The following DLGAP2 variants were observed in gnomAD, a reference collection of about 807,000 sequenced individuals.
The protein encoded by DLGAP2 is disks large-associated protein 2.
DLGAP2 carries 26 observed loss-of-function variants against 100.3 expected under a neutral mutation model. That is an observed-to-expected ratio of 0.26 (90% confidence interval 0.19 to 0.36). DLGAP2 has a LOEUF of 0.36. Among genes scored for constraint, DLGAP2 ranks in the 10% least tolerant of loss-of-function variants. The pLI, the probability that DLGAP2 is intolerant of heterozygous loss-of-function variation, is 1.00. For synonymous variants in DLGAP2, 886 were observed against 630.1 expected, an observed-to-expected ratio of 1.41 and a Z score of -6.08; for missense variants, 1,858 against 1,453.2, an observed-to-expected ratio of 1.28 and a Z score of -4.53.
chr8:1,212,175 C>G (rs1236292932), intron 2 of DLGAP2, among the ~76,000 whole-genome samples: 1 of 152,212 alleles, frequency 6.6e-6, no homozygotes, highest in Non-Finnish European at 1.5e-5. Flanking sequence ...TCCCCACATT[C>G]CCAAGAGCCT....
chr8:1,652,349 G>T (rs2130811507), intron 8 of DLGAP2, among the ~76,000 whole-genome samples: 1 of 152,342 alleles, frequency 6.6e-6, no homozygotes, highest in East Asian at 1.9e-4. Flanking sequence ...AAGTTCCACA[G>T]GGGCCGGGTT....
intron 6 of DLGAP2, among the ~76,000 whole-genome samples, chr8:1,600,322 A>G (rs1796586425): frequency 6.6e-6 from 1 of 151,508 alleles, no homozygotes; most frequent in Non-Finnish European, 1.5e-5. Context: ...CTTCATTTCA[A>G]CCTTGGTGAA....
At chr8:888,915 T>C (rs576554119) in intron 1 of DLGAP2, among the ~76,000 whole-genome samples, 7 of 152,168 alleles carry the variant, frequency 4.6e-5, no homozygotes, top group Admixed American at 1.3e-4. Context: ...AAACAGGTTT[T>C]GTGTGAGCAA....
intron 1 of DLGAP2, among the ~76,000 whole-genome samples, chr8:771,656 C>T (rs1179284116): frequency 1.3e-5 from 2 of 152,218 alleles, no homozygotes; most frequent in South Asian, 2.1e-4. Context: ...TACCTTGCTA[C>T]CCAGAGACGC....
intron 1 of DLGAP2, among the ~76,000 whole-genome samples, chr8:788,279 A>T (rs191588895): frequency 6.6e-6 from 1 of 152,346 alleles, no homozygotes; most frequent in East Asian, 1.9e-4. Flanking sequence ...ATCGATATCC[A>T]TACCCATGTG....
intron 6 of DLGAP2, among the ~76,000 whole-genome samples, chr8:1,591,019 G>A (rs1796273711): frequency 6.6e-6 from 1 of 152,236 alleles, no homozygotes; most frequent in South Asian, 2.1e-4. Context: ...ACATGAGGAT[G>A]TAGATATGAA....
chr8:1,549,369 G>T lies in DLGAP2; in HGVS notation c.916G>T (p.Asp306Tyr), dbSNP rs559500057. 1 of 1,613,326 alleles carries T rather than the reference G, an allele frequency of 6.2e-7. No individual in the cohort carries two copies. The highest frequency in any genetic ancestry group is 8.5e-7 in the Non-Finnish European group (1 of 1,179,804). Residue 306 changes from aspartate to tyrosine, a missense_variant, in exon 5 of 15, where the codon GAC becomes TAC. Asp to Tyr is a radical substitution (Grantham distance 160). Transcript: ENST00000637795. ...WWSSDDNLDSDSTYRTPSVLN... is the reference protein window; with the variant it reads ...WWSSDDNLDSYSTYRTPSVLN... ...GAGCTCGGACGACAACCTGGACAGC[G>T]ACAGCACCTATCGGACGCCCAGCGT...
chr8:1,464,635 C>T (rs1378985911), intron 3 of DLGAP2, among the ~76,000 whole-genome samples: 1 of 151,616 alleles, frequency 6.6e-6, no homozygotes, highest in African/African-American at 2.4e-5. Context: ...TCTCCAATGA[C>T]TGAAGGCAGA....
chr8:1,505,394 C>A (rs1799871152), intron 4 of DLGAP2, among the ~76,000 whole-genome samples: 1 of 151,970 alleles, frequency 6.6e-6, no homozygotes, highest in Non-Finnish European at 1.5e-5. Context: ...TCTTTTTTTT[C>A]CAACTCCCCT....
At chr8:1,348,681 C>T (rs1226116294) in intron 3 of DLGAP2, among the ~76,000 whole-genome samples, 5 of 152,198 alleles carry the variant, frequency 3.3e-5, no homozygotes, top group African/African-American at 4.8e-5. Context: ...AGGTTGAGTG[C>T]CCAGCAGAGC....
chr8:1,300,019 G>C (rs927352425), intron 3 of DLGAP2: 1 of 152,114 alleles, frequency 6.6e-6, no homozygotes, highest in Non-Finnish European at 1.5e-5. Flanking sequence ...GAGACAGGCT[G>C]GTGTCTCTTC....
At chr8:1,516,250 AGT>A (rs1800373733) in intron 4 of DLGAP2, among the ~76,000 whole-genome samples, 2 of 152,084 alleles carry the variant, frequency 1.3e-5, no homozygotes, top group South Asian at 4.1e-4. Context: ...TGAGTAAATG[AGT>A]GAGTGAAAGA....
chr8:1,152,535 T>C (rs1796714369), intron 2 of DLGAP2, among the ~76,000 whole-genome samples: 1 of 152,216 alleles, frequency 6.6e-6, no homozygotes, highest in African/African-American at 2.4e-5. Context: ...AGGCCCTTTT[T>C]TGTATGACTT....
rs535960222 is a variant in DLGAP2, at chr8:1,153,608, A to G, written c.74-105243A>G. Among the ~76,000 whole-genome samples, 66 of 152,302 alleles carry G rather than the reference A, an allele frequency of 4.3e-4. 1 individual carries two copies. In the South Asian group the frequency reaches 0.013, roughly 30 times the overall value. ...GTAAAATTATCAACTAACATTGTGA[A>G]AGACACAAACCAATATTTTTTAGAC... On this transcript the variant is annotated intron_variant, in intron 2 of 14. Transcript: ENST00000637795.
At chr8:1,483,856 C>CA (rs1217583813) in intron 3 of DLGAP2, among the ~76,000 whole-genome samples, 1 of 152,132 alleles carries the variant, frequency 6.6e-6, no homozygotes, top group Admixed American at 6.5e-5. Flanking sequence ...GGTTTGCTCA[C>CA]AATTGTTCAT....
chr8:1,446,415 T>G (rs1486219748), intron 3 of DLGAP2, among the ~76,000 whole-genome samples: 2 of 152,184 alleles, frequency 1.3e-5, no homozygotes, highest in Admixed American at 1.3e-4. Context: ...TATGTGGCAT[T>G]ATTTCTGAGG....
intron 6 of DLGAP2, among the ~76,000 whole-genome samples, chr8:1,586,276 G>A (rs1293837354): frequency 1.3e-5 from 2 of 152,308 alleles, no homozygotes; most frequent in African/African-American, 4.8e-5. Flanking sequence ...TGTTACAGTT[G>A]CGGGACCGAA....
At chr8:1,515,152 T>G (rs1222322804) in intron 4 of DLGAP2, among the ~76,000 whole-genome samples, 8 of 152,040 alleles carry the variant, frequency 5.3e-5, no homozygotes, top group Non-Finnish European at 5.9e-5. Flanking sequence ...GGAGGAGACA[T>G]GGAAGGCAGC....
At chr8:1,639,861 C>A (rs1210072347) in intron 8 of DLGAP2, among the ~76,000 whole-genome samples, 1 of 152,200 alleles carries the variant, frequency 6.6e-6, no homozygotes, top group Non-Finnish European at 1.5e-5. Flanking sequence ...CTGACCCCCT[C>A]CCTTCCTCAT....
Sources: allele counts gnomAD v4.1 joint callset (sites outside exome capture counted in the v4.1 genomes callset), GRCh38; gene constraint gnomAD v4.1.1; transcripts MANE v1.5; gene names NCBI Gene and HGNC (gene_info 2026-07-23, HGNC 2026-07-21).